The following ETS1 variants were observed in gnomAD, a reference collection of about 807,000 sequenced individuals.
The protein encoded by ETS1 is protein C-ets-1.
A neutral mutation model predicts 58.6 loss-of-function variants in ETS1; 15 were observed. The observed-to-expected ratio is 0.26, with a 90% CI of 0.17 to 0.39. ETS1 has a LOEUF of 0.39. ETS1 is among the 10% of genes least tolerant of loss of function. The pLI, the probability that ETS1 is intolerant of heterozygous loss-of-function variation, is 1.00. For synonymous variants in ETS1, 214 were observed against 218.2 expected (o/e 0.98, Z 0.17); for missense variants, 417 against 610.5 (o/e 0.68, Z 3.34).
chr11:128,480,743 T>C (rs938287113), intron 7 of ETS1, among the ~76,000 whole-genome samples: 1 of 152,134 alleles, frequency 6.6e-6, no homozygotes, highest in African/African-American at 2.4e-5. Flanking sequence ...GGAGTAGCGT[T>C]TGGGTCCTCA....
At chr11:128,578,159 C>T (rs1344196672) in intron 1 of ETS1, among the ~76,000 whole-genome samples, 1 of 152,156 alleles carries the variant, frequency 6.6e-6, no homozygotes, top group Non-Finnish European at 1.5e-5. Flanking sequence ...AACTGGCAAC[C>T]CGGCCAGGAC....
chr11:128,515,272 ACG>A (rs60498516), intron 3 of ETS1, among the ~76,000 whole-genome samples: 6,301 of 150,454 alleles, frequency 0.042, 164 homozygotes, highest in African/African-American at 0.085. Context: ...ACACACACAC[ACG>A]CGCGCGTGCA....
chr11:128,567,059 A>G (rs532233550), intron 2 of ETS1, among the ~76,000 whole-genome samples: 1 of 152,362 alleles, frequency 6.6e-6, no homozygotes, highest in South Asian at 2.1e-4. Flanking sequence ...GAAAATGTAC[A>G]AAAGAGGAAT....
chr11:128,459,131 A>C lies in ETS1; in HGVS notation c.*3230T>G, dbSNP rs1861840824. 6.6e-6 allele frequency: 1 copy of C among 151,284 alleles called. No individual in the cohort carries two copies. Among genetic ancestry groups the C allele is most frequent in the Non-Finnish European group, 1.5e-5 (1 of 67,828 alleles). 9.4% of individuals were successfully genotyped at this position (151,284 alleles called of 1,614,324 possible). A position where few individuals can be genotyped will look rare whatever the true frequency, so the allele number is the denominator to read the frequency against. ...CCCTATACTTCTCAGCTTAAAAAAA[A>C]AGTATTCTTAAAAAAAAAAGTTCAA... On this transcript the variant is annotated 3_prime_UTR_variant, in exon 10 of 10. Coordinates refer to ENST00000392668, the MANE Select transcript of ETS1 (RefSeq NM_001143820.2).
intron 3 of ETS1, among the ~76,000 whole-genome samples, chr11:128,519,556 C>T (rs927107857): frequency 6.6e-6 from 1 of 152,168 alleles, no homozygotes; most frequent in Admixed American, 6.5e-5. Context: ...AAGGCAAATC[C>T]GCACTTAGCC....
rs1192902658 is a variant in ETS1, at chr11:128,459,726, C to A, written c.*2635G>T. The A allele has an allele frequency of 1.3e-5, 2 of 152,702 alleles. No homozygotes were observed. Among genetic ancestry groups the A allele is most frequent in the African/African-American group, 2.4e-5 (1 of 41,420 alleles). 9.5% of individuals were successfully genotyped at this position (152,702 alleles called of 1,614,324 possible). A position where few individuals can be genotyped will look rare whatever the true frequency, so the allele number is the denominator to read the frequency against. ...AAGGAGAAAAAACATCTGGCCAGATCGACAAAGCTGTCTTAACTAATACAC... is the reference window on the plus strand; with the variant it reads ...AAGGAGAAAAAACATCTGGCCAGATAGACAAAGCTGTCTTAACTAATACAC... On this transcript the variant is annotated 3_prime_UTR_variant, in exon 10 of 10. Transcript: ENST00000392668.
chr11:128,547,002 G>A (rs1387653982), intron 3 of ETS1, among the ~76,000 whole-genome samples: 1 of 152,170 alleles, frequency 6.6e-6, no homozygotes, highest in African/African-American at 2.4e-5. Context: ...ATCCTGAGGA[G>A]CATGAAATAA....
chr11:128,491,646 T>C (rs148361650), intron 3 of ETS1, among the ~76,000 whole-genome samples: 30 of 152,282 alleles, frequency 2.0e-4, no homozygotes, highest in Non-Finnish European at 4.0e-4. Context: ...TAAAGAGTGA[T>C]TTAGGGGTGA....
chr11:128,510,670 A>C (rs573175065), intron 3 of ETS1, among the ~76,000 whole-genome samples: 2 of 152,268 alleles, frequency 1.3e-5, no homozygotes, highest in East Asian at 3.9e-4. Context: ...AAAACAGCAA[A>C]CTTAAAACTA....
chr11:128,504,851 T>C (rs570589911), intron 3 of ETS1: 1 of 152,320 alleles, frequency 6.6e-6, no homozygotes, highest in South Asian at 2.1e-4. Flanking sequence ...GAATGAGCCA[T>C]CCAAAGATCT....
chr11:128,551,321 T>A (rs967860588), intron 3 of ETS1, among the ~76,000 whole-genome samples: 1 of 152,192 alleles, frequency 6.6e-6, no homozygotes, highest in East Asian at 1.9e-4. Context: ...CACCTGGTTG[T>A]GGATAGCCCT....
rs535052073 is a variant in ETS1 at position 128,473,930 on chromosome 11, T to C, written c.1123+6261A>G. Among the ~76,000 whole-genome samples the C allele has an allele frequency of 2.4e-4, 37 of 152,340 alleles. 1 individual carries two copies. The South Asian group carries it at 7.5e-3, about 31-fold the overall frequency. ...AAGGCAATAAAGACTGGTGTGGATG[T>C]CTCAGCAGCACGCTGGCTGCATTCT... On this transcript the variant is annotated intron_variant, in intron 8 of 9. Transcript: ENST00000392668.
At chr11:128,508,691 C>T (rs1267908389) in intron 3 of ETS1, among the ~76,000 whole-genome samples, 2 of 152,166 alleles carry the variant, frequency 1.3e-5, no homozygotes, top group Admixed American at 1.3e-4. Flanking sequence ...TAAATAAATC[C>T]ACCTGACAAA....
intron 2 of ETS1, among the ~76,000 whole-genome samples, chr11:128,557,457 T>C (rs1338974448): frequency 2.0e-5 from 3 of 152,230 alleles, no homozygotes; most frequent in African/African-American, 7.2e-5. Flanking sequence ...AATAAAACTA[T>C]ATATTGTATG....
chr11:128,556,827 C>T lies in ETS1; in HGVS notation c.70-392G>A, dbSNP rs564176557. Among the ~76,000 whole-genome samples the T allele has an allele frequency of 7.2e-5, 11 of 152,214 alleles. No individual in the cohort carries two copies. In the South Asian group the frequency reaches 2.3e-3, roughly 32 times the overall value. On this transcript the variant is annotated intron_variant, in intron 2 of 9. Coordinates refer to ENST00000392668, the MANE Select transcript of ETS1 (RefSeq NM_001143820.2). ...AAAGGATATTCTTACAAGGCTTACTCCACAATCATACAACAAGTAAATGAT... is the reference window on the plus strand; with the variant it reads ...AAAGGATATTCTTACAAGGCTTACTTCACAATCATACAACAAGTAAATGAT...
At chr11:128,565,002 T>C (rs1864466943) in intron 2 of ETS1, among the ~76,000 whole-genome samples, 1 of 148,166 alleles carries the variant, frequency 6.7e-6, no homozygotes. Flanking sequence ...GAAAATACAT[T>C]ATAAGTTCTT....
Position 128,484,815 on chromosome 11 carries a change from T to C in ETS1, c.862+8A>G. On this transcript the variant is annotated splice_region_variant and intron_variant, in intron 7 of 9. Transcript: ENST00000392668. ...CCCAAGAGCTTTTAGAGAAGAAATATGACCTACCACGACTGGTCCTCCCCA... is the reference window on the plus strand; with the variant it reads ...CCCAAGAGCTTTTAGAGAAGAAATACGACCTACCACGACTGGTCCTCCCCA... The C allele has an allele frequency of 6.2e-7, 1 of 1,610,914 alleles. No individual in the cohort carries two copies. Among genetic ancestry groups the C allele is most frequent in the Non-Finnish European group, 8.5e-7 (1 of 1,177,496 alleles).
chr11:128,512,604 T>C (rs1863420742), intron 3 of ETS1, among the ~76,000 whole-genome samples: 1 of 152,240 alleles, frequency 6.6e-6, no homozygotes, highest in African/African-American at 2.4e-5. Flanking sequence ...TGGTTTCTTG[T>C]CCGGCTCCAA....
At chr11:128,563,994 T>A (rs778725161) in intron 2 of ETS1, among the ~76,000 whole-genome samples, 15 of 152,186 alleles carry the variant, frequency 9.9e-5, no homozygotes, top group South Asian at 2.1e-4. Context: ...CAGAAGACGC[T>A]TTAGCACCTC....
Sources: gnomAD v4.1 joint callset for allele counts (sites outside exome capture counted in the v4.1 genomes callset) on GRCh38, gnomAD v4.1.1 for gene constraint, MANE v1.5 for transcripts, NCBI Gene and HGNC (gene_info 2026-07-23, HGNC 2026-07-21) for gene names.